Variants in FGF12 observed in about 807,000 individuals in gnomAD.
FGF12 encodes fibroblast growth factor 12.
Under a neutral mutation model 23.6 loss-of-function variants are expected in FGF12, and 14 were observed. That is an observed-to-expected ratio of 0.59 (90% CI 0.39 to 0.93). FGF12 has a LOEUF of 0.93. Ranked by LOEUF, FGF12 falls within the 40% of genes least tolerant of loss-of-function variation. FGF12 has a pLI of 0.00. For missense variants in FGF12, 175 were observed against 217.8 expected (o/e 0.80, Z 1.24); for synonymous variants, 62 against 77.3 (o/e 0.80, Z 1.04).
intron 2 of FGF12, among the ~76,000 whole-genome samples, chr3:192,665,104 G>A (rs1255423862): frequency 6.6e-6 from 1 of 152,164 alleles, no homozygotes; most frequent in Non-Finnish European, 1.5e-5. Context: ...GTATTAGAGA[G>A]ATTGAGCTTT....
chr3:192,685,259 G>A (rs1157805248), intron 2 of FGF12, among the ~76,000 whole-genome samples: 1 of 152,088 alleles, frequency 6.6e-6, no homozygotes, highest in East Asian at 1.9e-4. Context: ...CACCGTGTTA[G>A]TCAGGATGGT....
intron 4 of FGF12, among the ~76,000 whole-genome samples, chr3:192,240,410 A>G (rs1225426416): frequency 6.6e-6 from 1 of 152,210 alleles, no homozygotes. Flanking sequence ...TTCTGATAAA[A>G]TTATTATTTT....
At chr3:192,254,999 A>G (rs1482905662) in intron 4 of FGF12, among the ~76,000 whole-genome samples, 1 of 152,068 alleles carries the variant, frequency 6.6e-6, no homozygotes, top group Non-Finnish European at 1.5e-5. Flanking sequence ...TATGGATGTG[A>G]ACTAGTAGGA....
At chr3:192,426,748 TGAAAGA>T (rs1343709665) in intron 2 of FGF12, among the ~76,000 whole-genome samples, 1 of 152,216 alleles carries the variant, frequency 6.6e-6, no homozygotes, top group Non-Finnish European at 1.5e-5. Flanking sequence ...TAGCTATGTT[TGAAAGA>T]GAGACACTTA....
At chr3:192,590,541 GTATT>G (rs1713572603) in intron 2 of FGF12, among the ~76,000 whole-genome samples, 1 of 151,882 alleles carries the variant, frequency 6.6e-6, no homozygotes, top group African/African-American at 2.4e-5. Flanking sequence ...ATGTAGGTAA[GTATT>G]TATTCTGAAT....
intron 2 of FGF12, among the ~76,000 whole-genome samples, chr3:192,462,436 C>T (rs916333119): frequency 6.6e-6 from 1 of 152,092 alleles, no homozygotes; most frequent in African/African-American, 2.4e-5. Flanking sequence ...GGATGCTCAG[C>T]CCCCTGGCCA....
intron 2 of FGF12, among the ~76,000 whole-genome samples, chr3:192,650,844 T>C (rs139530830): frequency 1.2e-3 from 176 of 152,316 alleles, no homozygotes; most frequent in African/African-American, 4.1e-3. Flanking sequence ...TTCTGTCCTA[T>C]CATCCGACAA....
intron 4 of FGF12, among the ~76,000 whole-genome samples, chr3:192,237,664 C>G (rs1415384996): frequency 6.6e-6 from 1 of 152,176 alleles, no homozygotes; most frequent in Non-Finnish European, 1.5e-5. Flanking sequence ...TTTCTGGAGT[C>G]AATTTTTCAT....
intron 4 of FGF12, among the ~76,000 whole-genome samples, chr3:192,210,933 A>G (rs1463365786): frequency 6.6e-6 from 1 of 152,192 alleles, no homozygotes; most frequent in African/African-American, 2.4e-5. Context: ...AACAGGAGAG[A>G]AGTCAGAGAT....
intron 4 of FGF12, among the ~76,000 whole-genome samples, chr3:192,196,287 A>G (rs565856897): frequency 7.3e-5 from 11 of 150,446 alleles, no homozygotes; most frequent in Non-Finnish European, 1.3e-4. Context: ...CATCAACTTT[A>G]AAAGACACAA....
chr3:192,641,791 TAAAA>T (rs1315379038), intron 2 of FGF12, among the ~76,000 whole-genome samples: 1 of 152,184 alleles, frequency 6.6e-6, no homozygotes, highest in Non-Finnish European at 1.5e-5. Flanking sequence ...TGCTCCTAAA[TAAAA>T]AGTGTTATTG....
rs188476582 is a variant in FGF12 at position 192,404,500 on chromosome 3, G to A, written c.14-43962C>T. Among the ~76,000 whole-genome samples, 91 of 152,312 alleles carry A rather than the reference G, an allele frequency of 6.0e-4. 1 individual carries two copies. The highest frequency in any genetic ancestry group is 1.1e-3 in the Non-Finnish European group (75 of 68,016). On this transcript the variant is annotated intron_variant, in intron 2 of 5. Coordinates refer to ENST00000445105, the MANE Select transcript of FGF12 (RefSeq NM_004113.6). ...AGCTAAAGGTTGGACATGAATAAGCGTGTAATTCATACGGATGTACTAATA... is the reference window on the plus strand; with the variant it reads ...AGCTAAAGGTTGGACATGAATAAGCATGTAATTCATACGGATGTACTAATA...
At chr3:192,159,830 G>C (rs561680866) in intron 5 of FGF12, among the ~76,000 whole-genome samples, 1 of 152,266 alleles carries the variant, frequency 6.6e-6, no homozygotes, top group African/African-American at 2.4e-5. Flanking sequence ...GCACAGGGAA[G>C]TGCCCCACAA....
At chr3:192,215,152 C>T (rs1718128626) in intron 4 of FGF12, among the ~76,000 whole-genome samples, 1 of 151,964 alleles carries the variant, frequency 6.6e-6, no homozygotes, top group Non-Finnish European at 1.5e-5. Context: ...TTCATCCTTA[C>T]TCACAATTCC....
At chr3:192,630,141 C>G (rs137891472) in intron 2 of FGF12, among the ~76,000 whole-genome samples, 1 of 152,088 alleles carries the variant, frequency 6.6e-6, no homozygotes, top group African/African-American at 2.4e-5. Flanking sequence ...CCTCCCTGCC[C>G]GCCTCTCTTG....
chr3:192,311,515 T>C (rs1409873009), intron 4 of FGF12, among the ~76,000 whole-genome samples: 1 of 152,224 alleles, frequency 6.6e-6, no homozygotes, highest in Non-Finnish European at 1.5e-5. Flanking sequence ...ATTGTATGAA[T>C]ATACCAAACT....
intron 4 of FGF12, among the ~76,000 whole-genome samples, chr3:192,330,856 G>A (rs376266937): frequency 2.6e-5 from 4 of 152,130 alleles, no homozygotes; most frequent in African/African-American, 9.6e-5. Flanking sequence ...TAGACAAATA[G>A]GACTACATGC....
At chr3:192,649,076 G>A (rs1013389802) in intron 2 of FGF12, among the ~76,000 whole-genome samples, 6 of 152,124 alleles carry the variant, frequency 3.9e-5, no homozygotes, top group Admixed American at 3.3e-4. Flanking sequence ...GTCAAAAGTT[G>A]AAGGCTTTTG....
chr3:192,512,368 T>C (rs1377829742), intron 2 of FGF12, among the ~76,000 whole-genome samples: 1 of 152,070 alleles, frequency 6.6e-6, no homozygotes, highest in African/African-American at 2.4e-5. Context: ...AAAATATCGC[T>C]TTAAAATAGA....
Sources: gnomAD v4.1 joint callset for allele counts (sites outside exome capture counted in the v4.1 genomes callset) on GRCh38, gnomAD v4.1.1 for gene constraint, MANE v1.5 for transcripts, NCBI Gene and HGNC (gene_info 2026-07-23, HGNC 2026-07-21) for gene names.